LOC128092253: variants seen among roughly 807,000 people sequenced by gnomAD.
the LOC128092253 span, among the ~76,000 whole-genome samples, chr6:133,953,954 T>A: frequency 6.6e-6 from 1 of 152,100 alleles, no homozygotes; most frequent in Non-Finnish European, 1.5e-5. Flanking sequence ...ATTATTATTT[T>A]TGACCAAAAT....
the LOC128092253 span, among the ~76,000 whole-genome samples, chr6:133,961,154 T>C: frequency 5.9e-5 from 9 of 152,312 alleles, no homozygotes; most frequent in African/African-American, 1.9e-4. Context: ...GTGAAAGATA[T>C]CTACTGTTTA....
chr6:133,968,668 T>G, the LOC128092253 span, among the ~76,000 whole-genome samples: 5 of 152,016 alleles, frequency 3.3e-5, no homozygotes, highest in African/African-American at 1.2e-4. Context: ...GCATCCAAGT[T>G]TTTTGTTTTG....
chr6:133,964,361 G>A, the LOC128092253 span, among the ~76,000 whole-genome samples: 18 of 151,360 alleles, frequency 1.2e-4, no homozygotes, highest in African/African-American at 4.4e-4. Flanking sequence ...ATGTAATCAT[G>A]TTTGTTTTAA....
the LOC128092253 span, among the ~76,000 whole-genome samples, chr6:133,959,807 CTT>C: frequency 6.6e-6 from 1 of 152,178 alleles, no homozygotes; most frequent in African/African-American, 2.4e-5. Flanking sequence ...CTATCACACT[CTT>C]TTTCAGGGAC....
chr6:133,975,738 A>G, the LOC128092253 span, among the ~76,000 whole-genome samples: 1 of 152,232 alleles, frequency 6.6e-6, no homozygotes, highest in Non-Finnish European at 1.5e-5. Flanking sequence ...TAAGAGAAAT[A>G]TATGAGAATG....
At chr6:133,956,612 G>A in the LOC128092253 span, among the ~76,000 whole-genome samples, 15 of 152,136 alleles carry the variant, frequency 9.9e-5, no homozygotes, top group Non-Finnish European at 1.9e-4. Context: ...TGAAGATTAC[G>A]TTGTTAATAG....
the LOC128092253 span, among the ~76,000 whole-genome samples, chr6:133,978,770 T>A: frequency 2.0e-5 from 3 of 152,218 alleles, no homozygotes; most frequent in Admixed American, 2.0e-4. Context: ...ATCAGAAACT[T>A]AAAGGCAGAG....
At chr6:133,953,821 C>A in the LOC128092253 span, among the ~76,000 whole-genome samples, 3 of 152,128 alleles carry the variant, frequency 2.0e-5, no homozygotes, top group Non-Finnish European at 4.4e-5. Flanking sequence ...GGAAGAGGGA[C>A]CGTGCAAAGA....
the LOC128092253 span, among the ~76,000 whole-genome samples, chr6:133,977,344 T>C: frequency 3.3e-5 from 5 of 152,354 alleles, no homozygotes; most frequent in South Asian, 1.0e-3. Context: ...TTTTAAAATT[T>C]AAGTTGCTGA....
At chr6:133,970,040 T>G in the LOC128092253 span, among the ~76,000 whole-genome samples, 2 of 152,240 alleles carry the variant, frequency 1.3e-5, no homozygotes, top group African/African-American at 4.8e-5. Context: ...AACTGTTGGT[T>G]AATTATCTAG....
chr6:133,957,028 G>C, the LOC128092253 span, among the ~76,000 whole-genome samples: 1 of 152,164 alleles, frequency 6.6e-6, no homozygotes. Context: ...CAAGATTCTG[G>C]AAGTATGTCT....
the LOC128092253 span, among the ~76,000 whole-genome samples, chr6:133,957,028 G>A: frequency 2.0e-5 from 3 of 152,282 alleles, no homozygotes; most frequent in Admixed American, 6.5e-5. Flanking sequence ...CAAGATTCTG[G>A]AAGTATGTCT....
At chr6:133,971,519 A>T in the LOC128092253 span, among the ~76,000 whole-genome samples, 1 of 152,110 alleles carries the variant, frequency 6.6e-6, no homozygotes, top group Non-Finnish European at 1.5e-5. Context: ...ATGTGAGTTT[A>T]CTATCCTACC....
the LOC128092253 span, among the ~76,000 whole-genome samples, chr6:133,977,028 CT>C: frequency 6.6e-6 from 1 of 151,164 alleles, no homozygotes; most frequent in Non-Finnish European, 1.5e-5. Flanking sequence ...GACTGTCATT[CT>C]AATTATCCTA....
chr6:133,961,074 A>G, the LOC128092253 span, among the ~76,000 whole-genome samples: 1 of 152,192 alleles, frequency 6.6e-6, no homozygotes, highest in East Asian at 1.9e-4. Flanking sequence ...CAGAAAGTGA[A>G]GTAAGGGAAG....
chr6:133,968,133 C>T, the LOC128092253 span, among the ~76,000 whole-genome samples: 7 of 151,798 alleles, frequency 4.6e-5, no homozygotes, highest in Non-Finnish European at 8.8e-5. Context: ...GGACTACAGG[C>T]GCGTGCCACC....
At chr6:133,973,062 T>C in the LOC128092253 span, among the ~76,000 whole-genome samples, 1 of 152,218 alleles carries the variant, frequency 6.6e-6, no homozygotes, top group Non-Finnish European at 1.5e-5. Flanking sequence ...AGGCAAATGT[T>C]AGCTTTTCTT....
the LOC128092253 span, among the ~76,000 whole-genome samples, chr6:133,967,388 A>G: frequency 6.6e-6 from 1 of 152,370 alleles, no homozygotes; most frequent in East Asian, 1.9e-4. Flanking sequence ...TAAATCAATA[A>G]GAAATCTTAG....
At chr6:133,962,071 A>G in the LOC128092253 span, among the ~76,000 whole-genome samples, 1 of 152,278 alleles carries the variant, frequency 6.6e-6, no homozygotes, top group African/African-American at 2.4e-5. Context: ...AGGACGATTT[A>G]GGCAGCTATA....
Sources: allele counts gnomAD v4.1 joint callset (sites outside exome capture counted in the v4.1 genomes callset), GRCh38; gene constraint gnomAD v4.1.1; transcripts MANE v1.5.